HOXD3: variants seen among roughly 807,000 people sequenced by gnomAD.
HOXD3 encodes the protein homeobox D3, also known as homeobox protein Hox-D3.
Under a neutral mutation model 32.8 loss-of-function variants are expected in HOXD3, and 13 were observed. The observed-to-expected ratio is 0.40, with a 90% CI of 0.26 to 0.63. HOXD3 has a LOEUF of 0.63. Among genes scored for constraint, HOXD3 ranks in the 20% least tolerant of loss-of-function variants. HOXD3 has a pLI of 0.44. For synonymous variants in HOXD3, 241 were observed against 246.8 expected, an observed-to-expected ratio of 0.98 and a Z score of 0.22; for missense variants, 504 against 577.1, an observed-to-expected ratio of 0.87 and a Z score of 1.30.
intron 2 of HOXD3, among the ~76,000 whole-genome samples, chr2:176,168,554 C>T (rs1294383047): frequency 1.0e-5 from 1 of 100,068 alleles, no homozygotes; most frequent in Non-Finnish European, 1.9e-5. Flanking sequence ...GCAACAGGAG[C>T]AAAATTCCAT....
At position 176,171,772 on chromosome 2, in the gene HOXD3, C is replaced by T; in HGVS notation, c.797C>T (p.Ser266Phe). 5 of 1,613,992 alleles carry T rather than the reference C, an allele frequency of 3.1e-6. No homozygotes were observed. Among genetic ancestry groups the T allele is most frequent in the South Asian group, 1.1e-5 (1 of 91,076 alleles). Reference sequence around the variant, plus strand: ...ATCCTGCACTCGCCGGCTAGCCAGTCCCCTGAGCGCAGCCCACCGCTCGGC... The same window carrying T: ...ATCCTGCACTCGCCGGCTAGCCAGTTCCCTGAGCGCAGCCCACCGCTCGGC... The part of the protein sequence containing the change: ...KGILHSPASQ[S>F]PERSPPLGGA... The change falls in exon 4 of 4, where the codon TCC becomes TTC. Residue 266 changes from serine to phenylalanine, a missense_variant. Physicochemically the swap from Ser to Phe is radical, Grantham distance 155. Coordinates refer to ENST00000683222, the MANE Select transcript of HOXD3 (RefSeq NM_006898.5).
In HOXD3 at chr2:176,167,659, G is replaced by A. The variant is rs144792762; in HGVS notation, c.-84-1372G>A. On this transcript the variant is annotated intron_variant, in intron 2 of 3. Coordinates refer to ENST00000683222, the MANE Select transcript of HOXD3 (RefSeq NM_006898.5). ...TCTGGACTTTCATGCAAGATGCTGT[G>A]ATTTTGAAACCAGGTGGGGGGAGAC... Among the ~76,000 whole-genome samples, 210 of 139,432 alleles carry A rather than the reference G, an allele frequency of 1.5e-3. 3 individuals are homozygous for A. The highest frequency in any genetic ancestry group is 5.2e-3 in the African/African-American group (202 of 38,656). The allele number at this position is 139,432 out of a possible 152,430, so 91.5% of individuals were successfully genotyped here.
intron 1 of HOXD3, among the ~76,000 whole-genome samples, chr2:176,159,011 T>C (rs1690716722): frequency 6.6e-6 from 1 of 152,130 alleles, no homozygotes. Context: ...TAAATCATCG[T>C]AAGTAATTCC....
chr2:176,162,715 A>G (rs1193874652), intron 1 of HOXD3, among the ~76,000 whole-genome samples: 1 of 152,134 alleles, frequency 6.6e-6, no homozygotes, highest in African/African-American at 2.4e-5. Context: ...CGCACCCCGG[A>G]ACCCCCAGGC....
chr2:176,152,917 A>ACC (rs754653488), upstream of HOXD3: 9 of 1,614,048 alleles, frequency 5.6e-6, no homozygotes, highest in South Asian at 8.8e-5. The surrounding 1 kb of genome is among the most constrained non-coding windows in gnomAD (Gnocchi z 5.2). Flanking sequence ...GCCAAAGACC[A>ACC]CCACACGGAC....
intron 1 of HOXD3, among the ~76,000 whole-genome samples, chr2:176,159,314 A>G (rs1188533191): frequency 3.3e-5 from 5 of 152,232 alleles, no homozygotes; most frequent in South Asian, 4.2e-4. Flanking sequence ...GGCCAGGTGA[A>G]CAAAAGGATG....
At chr2:176,164,979 G>A (rs771648726) in intron 2 of HOXD3, 1 of 152,236 alleles carries the variant, frequency 6.6e-6, no homozygotes, top group Non-Finnish European at 1.5e-5. Context: ...GCGAGGCTGC[G>A]CGCGTTCGTC....
upstream of HOXD3, among the ~76,000 whole-genome samples, chr2:176,155,113 T>C (rs1690618107): frequency 6.6e-6 from 1 of 152,218 alleles, no homozygotes; most frequent in South Asian, 2.1e-4. Context: ...TCTTTGGATG[T>C]ACCATTTGAA....
intron 3 of HOXD3, among the ~76,000 whole-genome samples, chr2:176,170,799 G>A (rs1691144303): frequency 6.6e-6 from 1 of 152,152 alleles, no homozygotes; most frequent in African/African-American, 2.4e-5. Flanking sequence ...AGAGGTGGCA[G>A]GGTAGTAAAA....
intron 1 of HOXD3, among the ~76,000 whole-genome samples, chr2:176,158,078 C>T (rs147036334): frequency 3.3e-5 from 5 of 152,226 alleles, no homozygotes; most frequent in African/African-American, 1.2e-4. Context: ...GCCTCTCCCC[C>T]CGCTCCTCTC....
chr2:176,161,511 C>A (rs995437794), intron 1 of HOXD3, among the ~76,000 whole-genome samples: 1 of 152,132 alleles, frequency 6.6e-6, no homozygotes, highest in Non-Finnish European at 1.5e-5. Context: ...CATATTAATT[C>A]TGTGTCTTGA....
At chr2:176,159,812 C>T (rs183562670) in intron 1 of HOXD3, among the ~76,000 whole-genome samples, 2 of 152,218 alleles carry the variant, frequency 1.3e-5, no homozygotes, top group Admixed American at 1.3e-4. Flanking sequence ...CCGCAGGAAG[C>T]GGGAAGTCGC....
upstream of HOXD3, chr2:176,153,055 T>A: frequency 1.1e-6 from 1 of 903,504 alleles, no homozygotes; most frequent in Non-Finnish European, 1.7e-6. Context: ...GGGGTGGACC[T>A]GGGACAAGCA....
In HOXD3 at chr2:176,171,719, G is replaced by A. The variant is rs1185201119; in HGVS notation, c.744G>A (p.Lys248=). 1 of 1,614,142 alleles carries A rather than the reference G, an allele frequency of 6.2e-7. No homozygotes were observed. The highest frequency in any genetic ancestry group is 1.7e-5 in the Admixed American group (1 of 60,026). ...TCTGGTTCCAGAACCGGCGCATGAA[G>A]TACAAGAAGGACCAGAAGGCCAAGG... ...IKIWFQNRRM[K]YKKDQKAKGI... The change falls in exon 4 of 4, where the codon AAG becomes AAA. Residue 248 remains lysine (K), a synonymous_variant. Coordinates refer to ENST00000683222, the MANE Select transcript of HOXD3 (RefSeq NM_006898.5).
chr2:176,160,503 C>T (rs914764584), intron 1 of HOXD3, among the ~76,000 whole-genome samples: 15 of 152,248 alleles, frequency 9.9e-5, no homozygotes, highest in Admixed American at 4.6e-4. Flanking sequence ...AGGTCCCAAG[C>T]CTCCTGCGCC....
At position 176,169,198 on chromosome 2, in the gene HOXD3, G is replaced by A; in HGVS notation, c.84G>A (p.Leu28=). 1 of 1,614,196 alleles carries A rather than the reference G, an allele frequency of 6.2e-7. No homozygotes were observed. Among genetic ancestry groups the A allele is most frequent in the African/African-American group, 1.3e-5 (1 of 75,046 alleles). ...QKAAYYENPG[L]FGGYGYSKTT... is the part of the protein sequence containing the mutation. ...CTGCTTACTATGAAAACCCAGGACT[G>A]TTTGGAGGCTATGGCTACAGCAAAA... The change falls in exon 3 of 4, where the codon CTG becomes CTA. Residue 28 remains leucine, a synonymous_variant. Coordinates refer to ENST00000683222, the MANE Select transcript of HOXD3 (RefSeq NM_006898.5).
At chr2:176,160,069 T>C (rs538089095) in intron 1 of HOXD3, among the ~76,000 whole-genome samples, 4 of 152,280 alleles carry the variant, frequency 2.6e-5, no homozygotes, top group East Asian at 1.9e-4. Context: ...ATGGTGGTGG[T>C]GGCGGGGTTT....
intron 2 of HOXD3, chr2:176,164,731 C>G (rs1313688934): frequency 2.6e-5 from 4 of 152,154 alleles, no homozygotes; most frequent in African/African-American, 4.8e-5. Flanking sequence ...AGAAACTGAC[C>G]GCAACCTCCA....
At chr2:176,154,741 A>G (rs1690609651), upstream of HOXD3, among the ~76,000 whole-genome samples, 1 of 152,132 alleles carries the variant, frequency 6.6e-6, no homozygotes, top group Non-Finnish European at 1.5e-5. Flanking sequence ...GACCCTGGGG[A>G]CTGCTCTTTG....
Sources: gnomAD v4.1 joint callset for allele counts (sites outside exome capture counted in the v4.1 genomes callset) on GRCh38, gnomAD v4.1.1 for gene constraint, Gnocchi (gnomAD v3.1) non-coding constraint, MANE v1.5 for transcripts, NCBI Gene and HGNC (gene_info 2026-07-23, HGNC 2026-07-21) for gene names.